Variants in TRIM48 observed in about 807,000 individuals in gnomAD.
The protein encoded by TRIM48 is E3 ubiquitin-protein ligase TRIM48.
A neutral mutation model predicts 29.5 loss-of-function variants in TRIM48; 31 were observed. The observed-to-expected ratio is 1.05, with a 90% CI of 0.79 to 1.42. The LOEUF is 1.42. Among genes scored for constraint, TRIM48 ranks in the 40% most tolerant of loss-of-function variants. The pLI is 0.00. For synonymous variants in TRIM48, 128 were observed against 90.6 expected, an observed-to-expected ratio of 1.41 and a Z score of -2.34; for missense variants, 344 against 265.0, an observed-to-expected ratio of 1.30 and a Z score of -2.07.
In TRIM48 at chr11:55,265,259, A is replaced by G; in HGVS notation, c.404A>G (p.Gln135Arg). 1.3e-6 allele frequency: 2 copies of G among 1,582,592 alleles called. No individual in the cohort carries two copies. Among genetic ancestry groups the G allele is most frequent in the Non-Finnish European group, 1.7e-6 (2 of 1,166,196 alleles). Residue 135 changes from glutamine to arginine, a missense_variant, in exon 2 of 6, where the codon CAG (glutamine) becomes CGG (arginine). Transcript: ENST00000417545. ...CTCTGTTTGCTGTGCTCCAGCTCTC[A>G]GGAGCACCGGTATCACAGACACTGT... The part of the protein sequence containing the change: ...SLLCLLCSSS[Q>R]EHRYHRHCPA...
Position 55,269,486 on chromosome 11 carries a change from T to A in TRIM48, c.*1+147T>A, listed in dbSNP as rs1453679886. ...TAATCATGCAACCCTTTTGTATCTGTGTCTGTATAGTCAGATTTATAGCAT... is the reference window on the plus strand; with the variant it reads ...TAATCATGCAACCCTTTTGTATCTGAGTCTGTATAGTCAGATTTATAGCAT... On this transcript the variant is annotated intron_variant, in intron 5 of 5. Transcript: ENST00000417545. The A allele has an allele frequency of 2.6e-6, 3 of 1,163,364 alleles. No individual in the cohort carries two copies. The African/African-American group carries it at 4.7e-5, about 18-fold the overall frequency. The allele number at this position is 1,163,364 out of a possible 1,614,324, so 72.1% of individuals were successfully genotyped here.
At position 55,267,374 on chromosome 11, in the gene TRIM48, A is replaced by G. The variant is rs567038281; in HGVS notation, c.556-976A>G. On this transcript the variant is annotated intron_variant, in intron 3 of 5. Coordinates refer to ENST00000417545, the MANE Select transcript of TRIM48 (RefSeq NM_024114.5). The stretch of plus-strand genomic sequence containing the variant: ...GATTTAATAGGAGATGGATATATAC[A>G]TTTCTCTTTTGACTAACCCATTATT... The G allele has an allele frequency of 2.4e-5, 38 of 1,554,006 alleles. 7 individuals carry two copies. The South Asian group carries it at 4.4e-4, about 18-fold the overall frequency.
At chr11:55,269,660 C>T (rs1342131080) in intron 5 of TRIM48, among the ~76,000 whole-genome samples, 1 of 147,082 alleles carries the variant, frequency 6.8e-6, no homozygotes, top group African/African-American at 2.5e-5. Context: ...ATGTTAAATA[C>T]AAAATTTTAC....
chr11:55,270,544 G>C lies in TRIM48; in HGVS notation c.*109G>C. 6.3e-7 allele frequency: 1 copy of C among 1,582,788 alleles called. No individual in the cohort carries two copies. ...CCGTCAAAATCCGCCCCATATCACTGCAACACCTACAAGTTTTCTTGCATG... is the reference window on the plus strand; with the variant it reads ...CCGTCAAAATCCGCCCCATATCACTCCAACACCTACAAGTTTTCTTGCATG... On this transcript the variant is annotated 3_prime_UTR_variant, in exon 6 of 6. Transcript: ENST00000417545.
chr11:55,264,650 T>C lies in TRIM48; in HGVS notation c.45-250T>C, dbSNP rs912439191. On this transcript the variant is annotated intron_variant, in intron 1 of 5. Coordinates refer to ENST00000417545, the MANE Select transcript of TRIM48 (RefSeq NM_024114.5). ...ATTCAGAAAAAAATGGGAAATTGAA[T>C]AGATTAGTATTATGTTACAGACAGG... 9.5e-5 allele frequency among the ~76,000 whole-genome samples: 14 copies of C among 148,124 alleles called. 1 individual carries two copies. Among genetic ancestry groups the C allele is most frequent in the Admixed American group, 4.1e-4 (6 of 14,636 alleles).
chr11:55,267,156 A>C (rs1857406394), intron 3 of TRIM48, among the ~76,000 whole-genome samples: 1 of 147,566 alleles, frequency 6.8e-6, no homozygotes, highest in African/African-American at 2.5e-5. Context: ...AGAGAAATTC[A>C]AATTGTGTTT....
rs1590618839 is a variant in TRIM48, at chr11:55,262,371, G to C, written c.44+60G>C. On this transcript the variant is annotated intron_variant, in intron 1 of 5. Transcript: ENST00000417545. ...CTTTCCTTTACAAAATAATAAATTA[G>C]AGTGTTAAAAATATCTCATTATCTT... 12 of 1,234,504 alleles carry C rather than the reference G, an allele frequency of 9.7e-6. No homozygotes were observed. In the East Asian group the frequency reaches 3.1e-4, roughly 31 times the overall value. The allele number at this position is 1,234,504 out of a possible 1,614,324, so 76.5% of individuals were successfully genotyped here. A position where few individuals can be genotyped will look rare whatever the true frequency, so the allele number is the denominator to read the frequency against.
chr11:55,269,399 C>T lies in TRIM48; in HGVS notation c.*1+60C>T, dbSNP rs538825575. On this transcript the variant is annotated intron_variant, in intron 5 of 5. Transcript: ENST00000417545. ...CTAAATATTATTATTGTTAGGATCA[C>T]ATAGGTAATATTTCATCCTTTATCA... 809 of 1,535,626 alleles carry T rather than the reference C, an allele frequency of 5.3e-4. 148 individuals carry two copies. The South Asian group carries it at 8.5e-3, about 16-fold the overall frequency.
rs1857445026 is a variant in TRIM48, at chr11:55,269,436, A to G, written c.*1+97A>G. ...TTCATCCTTTATCAAATATTTTACT[A>G]CTTTATAAGCATAAGAGAACAATAT... On this transcript the variant is annotated intron_variant, in intron 5 of 5. Transcript: ENST00000417545. The G allele has an allele frequency of 7.7e-6, 11 of 1,431,050 alleles. 3 individuals are homozygous for G. The East Asian group carries it at 2.7e-4, about 35-fold the overall frequency. The allele number at this position is 1,431,050 out of a possible 1,614,324, so 88.6% of individuals were successfully genotyped here.
intron 5 of TRIM48, among the ~76,000 whole-genome samples, chr11:55,270,103 T>C (rs1200904436): frequency 6.7e-6 from 1 of 148,330 alleles, no homozygotes; most frequent in Admixed American, 6.8e-5. Context: ...GAAACATTTC[T>C]AAATAAAGAT....
At chr11:55,269,826 T>C (rs1219498761) in intron 5 of TRIM48, among the ~76,000 whole-genome samples, 2 of 147,970 alleles carry the variant, frequency 1.4e-5, no homozygotes, top group African/African-American at 4.9e-5. Flanking sequence ...GAAATCATTT[T>C]GTGAATACAA....
chr11:55,268,909 C>A (rs551049337), intron 4 of TRIM48, among the ~76,000 whole-genome samples: 8 of 147,950 alleles, frequency 5.4e-5, no homozygotes, highest in East Asian at 4.3e-4. Context: ...CCCAGAACCC[C>A]TCTATTTCAG....
chr11:55,264,638 T>C (rs1294036883), intron 1 of TRIM48, among the ~76,000 whole-genome samples: 1 of 147,650 alleles, frequency 6.8e-6, no homozygotes, highest in African/African-American at 2.5e-5. Flanking sequence ...CAGAAAAAAA[T>C]GGGAAATTGA....
At chr11:55,266,471 T>G (rs1857394270) in intron 3 of TRIM48, among the ~76,000 whole-genome samples, 1 of 147,616 alleles carries the variant, frequency 6.8e-6, no homozygotes, top group Non-Finnish European at 1.5e-5. Flanking sequence ...AGAAAGCATC[T>G]TTGTCCTCAC....
chr11:55,268,921 C>A (rs1051355953), intron 4 of TRIM48, among the ~76,000 whole-genome samples: 7 of 147,780 alleles, frequency 4.7e-5, no homozygotes, highest in Non-Finnish European at 9.0e-5. Context: ...CTATTTCAGA[C>A]AAAGATGTCA....
Position 55,265,797 on chromosome 11 carries a change from CAAAAAAA to C in TRIM48, c.555+112_555+118del, listed in dbSNP as rs34036307. On this transcript the variant is annotated intron_variant, in intron 3 of 5. Transcript: ENST00000417545. ...ATCAAACCGTAATGTTTCTGGGAGT[CAAAAAAA>C]AAAAAAAAAGAGAAGAAAACATTGA... is the stretch of plus-strand genomic sequence containing the variant. 5 of 848,738 alleles carry C rather than the reference CAAAAAAA, an allele frequency of 5.9e-6. 1 individual carries two copies. Among genetic ancestry groups the C allele is most frequent in the African/African-American group, 4.3e-5 (2 of 46,232 alleles). The allele number at this position is 848,738 out of a possible 1,614,324, so 52.6% of individuals were successfully genotyped here. A position where few individuals can be genotyped will look rare whatever the true frequency, so the allele number is the denominator to read the frequency against.
At chr11:55,267,329 G>A (rs1319989992) in intron 3 of TRIM48, 7 of 1,423,444 alleles carry the variant, frequency 4.9e-6, no homozygotes, top group Middle Eastern at 5.2e-4. Flanking sequence ...GGATGTTCGA[G>A]AGACAAAAGG....
intron 5 of TRIM48, among the ~76,000 whole-genome samples, chr11:55,269,731 T>A (rs1857451412): frequency 2.0e-5 from 3 of 147,732 alleles, no homozygotes; most frequent in Admixed American, 6.9e-5. Context: ...TATAGTTCGC[T>A]GGAGATTCTT....
intron 1 of TRIM48, among the ~76,000 whole-genome samples, chr11:55,263,775 A>T (rs1460750363): frequency 6.6e-6 from 1 of 152,224 alleles, no homozygotes; most frequent in African/African-American, 2.4e-5. Context: ...TTGCTTGATT[A>T]TGGAGTCTGA....
Sources: gnomAD v4.1 joint callset for allele counts (sites outside exome capture counted in the v4.1 genomes callset) on GRCh38, gnomAD v4.1.1 for gene constraint, MANE v1.5 for transcripts, NCBI Gene and HGNC (gene_info 2026-07-23, HGNC 2026-07-21) for gene names.